Variants in SYT14 observed in about 807,000 individuals in gnomAD.
SYT14 encodes the protein synaptotagmin-14.
Under a neutral mutation model 74.2 loss-of-function variants are expected in SYT14, and 32 were observed. That is an observed-to-expected ratio of 0.43 (90% CI 0.33 to 0.58). SYT14 has a LOEUF of 0.58. Ranked by LOEUF, SYT14 falls within the 20% of genes least tolerant of loss-of-function variation. The pLI, the probability that SYT14 is intolerant of heterozygous loss-of-function variation, is 0.05. For synonymous variants in SYT14, 298 were observed against 337.7 expected, an observed-to-expected ratio of 0.88 and a Z score of 1.29; for missense variants, 791 against 981.8, an observed-to-expected ratio of 0.81 and a Z score of 2.60.
chr1:209,965,872 A>T (rs762326070), intron 2 of SYT14: 2 of 448,654 alleles, frequency 4.5e-6, no homozygotes, highest in African/African-American at 2.0e-5. Flanking sequence ...TTTATTTTTG[A>T]ACTTCTTTTT....
chr1:209,953,179 T>C, intron 2 of SYT14: 1 of 1,288,104 alleles, frequency 7.8e-7, no homozygotes. Flanking sequence ...CACAACATCC[T>C]TTGACACCAA....
chr1:210,038,331 G>T (rs1487581614), intron 5 of SYT14, among the ~76,000 whole-genome samples: 1 of 152,006 alleles, frequency 6.6e-6, no homozygotes, highest in Admixed American at 6.6e-5. Flanking sequence ...TGGGTTTCTT[G>T]TAAGCAGCAT....
chr1:210,030,908 GTTTGTTTTGT>G lies in SYT14; in HGVS notation c.1312+9681_1312+9690del, dbSNP rs10650636. On this transcript the variant is annotated intron_variant, in intron 5 of 9. Coordinates refer to ENST00000637265, the Ensembl canonical transcript of SYT14. ...AATTAGTATGGGAAGGCAGTGTTTT[GTTTGTTTTGT>G]TTTGTTTTGTTTTGTTTTGTTTTGT... Among the ~76,000 whole-genome samples the G allele has an allele frequency of 9.4e-4, 140 of 149,054 alleles. 1 individual carries two copies. The highest frequency in any genetic ancestry group is 9.0e-4 in the Non-Finnish European group (61 of 67,744).
At chr1:210,123,840 A>G (rs1211302953) in intron 7 of SYT14, among the ~76,000 whole-genome samples, 1 of 152,226 alleles carries the variant, frequency 6.6e-6, no homozygotes, top group Non-Finnish European at 1.5e-5. Context: ...GAAAGGGTCC[A>G]TAATGGAAAG....
intron 2 of SYT14, among the ~76,000 whole-genome samples, chr1:209,961,033 T>C (rs1327831339): frequency 6.6e-6 from 1 of 152,196 alleles, no homozygotes; most frequent in African/African-American, 2.4e-5. Context: ...AGTTGGCTGA[T>C]GTCACTTTAT....
At chr1:209,939,837 T>C (rs2078700997) in intron 1 of SYT14, among the ~76,000 whole-genome samples, 1 of 152,236 alleles carries the variant, frequency 6.6e-6, no homozygotes, top group South Asian at 2.1e-4. Flanking sequence ...TAACTTGTAA[T>C]TTCTTAAAAT....
intron 2 of SYT14, among the ~76,000 whole-genome samples, chr1:210,000,473 C>CAT (rs2079875943): frequency 1.3e-5 from 2 of 148,758 alleles, no homozygotes; most frequent in Admixed American, 6.7e-5. Context: ...TACGCACACA[C>CAT]ACACACACAC....
At chr1:210,161,787 A>G (rs1229053385) in exon 10 of SYT14, 1 of 453,896 alleles carries the variant, frequency 2.2e-6, no homozygotes, top group East Asian at 6.9e-5. Context: ...GTTGTACTGT[A>G]GAACTACGTA....
At chr1:210,016,304 A>G (rs1480411309) in exon 4 of SYT14, 1 of 1,232,040 alleles carries the variant, frequency 8.1e-7, no homozygotes, top group African/African-American at 1.6e-5. Context: ...AAAGCAAATA[A>G]ATACTTGTAA....
chr1:210,060,906 C>A (rs2081196484), intron 5 of SYT14, among the ~76,000 whole-genome samples: 1 of 151,950 alleles, frequency 6.6e-6, no homozygotes, highest in African/African-American at 2.4e-5. Flanking sequence ...TCTATAAACT[C>A]CTAATTAAAT....
intron 2 of SYT14, among the ~76,000 whole-genome samples, chr1:209,974,309 T>C: frequency 6.6e-6 from 1 of 152,208 alleles, no homozygotes; most frequent in Non-Finnish European, 1.5e-5. Context: ...TGAATGGTAT[T>C]GCCTAGGTTT....
chr1:209,952,809 T>G, intron 2 of SYT14, 53 bp downstream of exon 2: 1 of 1,484,434 alleles, frequency 6.7e-7, no homozygotes, highest in South Asian at 1.1e-5. Flanking sequence ...ACTTCCAAAG[T>G]GTATAATAGA....
chr1:210,160,906 T>G (rs1428131136), exon 10 of SYT14: 2 of 1,613,916 alleles, frequency 1.2e-6, no homozygotes. Flanking sequence ...AAACGCAGCA[T>G]GAAAAGAAAA....
chr1:210,020,931 C>G (rs2080288131), intron 4 of SYT14, 108 bp from the exon 4 acceptor site: 2 of 889,138 alleles, frequency 2.2e-6, no homozygotes, highest in Non-Finnish European at 3.6e-6. Flanking sequence ...AGCAAATTTT[C>G]TATACTTTAT....
chr1:209,965,344 G>A (rs2102729454), intron 2 of SYT14, among the ~76,000 whole-genome samples: 1 of 152,216 alleles, frequency 6.6e-6, no homozygotes, highest in Non-Finnish European at 1.5e-5. Flanking sequence ...AATTCACTTA[G>A]GATGATGGCC....
chr1:209,954,302 A>C (rs1359179683), intron 2 of SYT14, among the ~76,000 whole-genome samples: 1 of 151,988 alleles, frequency 6.6e-6, no homozygotes, highest in Non-Finnish European at 1.5e-5. Context: ...TTTTTTTTTC[A>C]TGGCTTTTTT....
intron 5 of SYT14, among the ~76,000 whole-genome samples, chr1:210,084,857 C>G (rs933136306): frequency 5.9e-5 from 9 of 152,218 alleles, no homozygotes; most frequent in Non-Finnish European, 1.2e-4. Context: ...ATTTTTCAAG[C>G]CGACTAATTT....
At position 210,030,276 on chromosome 1, in the gene SYT14, G is replaced by A. The variant is rs543551481; in HGVS notation, c.1312+9022G>A. Among the ~76,000 whole-genome samples the A allele has an allele frequency of 5.3e-5, 8 of 151,984 alleles. No homozygotes were observed. The South Asian group carries it at 1.5e-3, about 28-fold the overall frequency. ...CCTTCCTCAGCCTCCCGAGTAGCTG[G>A]GATTACAGTTTCCTGCCACCATGCC... On this transcript the variant is annotated intron_variant, in intron 5 of 9. Transcript: ENST00000637265.
chr1:209,973,817 A>G (rs1457801206), intron 2 of SYT14, among the ~76,000 whole-genome samples: 4 of 152,234 alleles, frequency 2.6e-5, no homozygotes, highest in Admixed American at 6.5e-5. Flanking sequence ...ACCAGTTTAC[A>G]GTCCCACCAA....
Sources: allele counts gnomAD v4.1 joint callset (sites outside exome capture counted in the v4.1 genomes callset), GRCh38; gene constraint gnomAD v4.1.1; transcripts MANE v1.5; gene names NCBI Gene and HGNC (gene_info 2026-07-23, HGNC 2026-07-21).